The following PGRMC2 variants were observed in gnomAD, a reference collection of about 807,000 sequenced individuals.
PGRMC2 encodes progesterone receptor membrane component 2.
PGRMC2 carries 9 observed loss-of-function variants against 19.3 expected under a neutral mutation model. That is an observed-to-expected ratio of 0.47 (90% confidence interval 0.28 to 0.81). PGRMC2 has a LOEUF of 0.81. PGRMC2 is among the 40% of genes least tolerant of loss of function. The probability of loss-of-function intolerance (pLI) is 0.11; values close to 1 mark genes in which losing one functional copy is unlikely to be tolerated. For synonymous variants in PGRMC2, 157 were observed against 124.6 expected (o/e 1.26, Z -1.73); for missense variants, 289 against 297.3 (o/e 0.97, Z 0.21).
chr4:128,271,852 T>C lies in PGRMC2; in HGVS notation c.575-439A>G, dbSNP rs144648298. On this transcript the variant is annotated intron_variant, in intron 2 of 2. Transcript: ENST00000296425. The stretch of plus-strand genomic sequence containing the variant: ...ATGAGGGCATAAGAAAGGGGAAAGA[T>C]ATTTTTTATCTACATTTCGAGTGTT... 1.3e-3 allele frequency among the ~76,000 whole-genome samples: 202 copies of C among 152,342 alleles called. 1 individual carries two copies. Among genetic ancestry groups the C allele is most frequent in the African/African-American group, 4.6e-3 (190 of 41,586 alleles).
At chr4:128,284,965 T>C (rs1200463771) in intron 1 of PGRMC2, among the ~76,000 whole-genome samples, 3 of 152,238 alleles carry the variant, frequency 2.0e-5, no homozygotes, top group African/African-American at 7.2e-5. Context: ...TCTGTTATGT[T>C]GTTGATCAAC....
Position 128,269,843 on chromosome 4 carries a change from C to T in PGRMC2, c.*1473G>A, listed in dbSNP as rs1371198311. On this transcript the variant is annotated 3_prime_UTR_variant, in exon 3 of 3. Coordinates refer to ENST00000296425, the MANE Select transcript of PGRMC2 (RefSeq NM_006320.6). ...CTTTTACTGTTTTGTGTTCAATAAC[C>T]ACCTGGAGTGCTAATTGTCTAGTAT... 6.6e-6 allele frequency: 1 copy of T among 152,140 alleles called. No homozygotes were observed. Among genetic ancestry groups the T allele is most frequent in the African/African-American group, 2.4e-5 (1 of 41,428 alleles). The allele number at this position is 152,140 out of a possible 1,614,324, so 9.4% of individuals were successfully genotyped here.
At chr4:128,281,928 T>G (rs1239533400) in intron 1 of PGRMC2, among the ~76,000 whole-genome samples, 1 of 152,250 alleles carries the variant, frequency 6.6e-6, no homozygotes, top group African/African-American at 2.4e-5. Context: ...GTTAGGTTTT[T>G]GCTTAAATGT....
Position 128,287,751 on chromosome 4 carries a change from C to G in PGRMC2, c.40G>C (p.Gly14Arg). 2 of 1,479,982 alleles carry G rather than the reference C, an allele frequency of 1.4e-6. No homozygotes were observed. The highest frequency in any genetic ancestry group is 1.8e-6 in the Non-Finnish European group (2 of 1,082,278). 91.7% of individuals were successfully genotyped at this position (1,479,982 alleles called of 1,614,324 possible). Residue 14 changes from glycine (G) to arginine (R), a missense_variant, in exon 1 of 3, where the codon GGG becomes CGG. Transcript: ENST00000296425. ...TCGTTGCTGCTCTCGCTGCCACTCCCCAGGGTGCCTAGCTTCACGTCCCCA... is the reference window on the plus strand; with the variant it reads ...TCGTTGCTGCTCTCGCTGCCACTCCGCAGGGTGCCTAGCTTCACGTCCCCA... ...GDGDVKLGTL[G>R]SGSESSNDGG...
chr4:128,284,952 A>G (rs753997589), intron 1 of PGRMC2, among the ~76,000 whole-genome samples: 14 of 152,158 alleles, frequency 9.2e-5, no homozygotes, highest in Non-Finnish European at 1.9e-4. Flanking sequence ...AAATATTCAA[A>G]TATCTGTTAT....
Position 128,269,309 on chromosome 4 carries a change from A to C in PGRMC2, c.*2007T>G, listed in dbSNP as rs1174170620. On this transcript the variant is annotated 3_prime_UTR_variant, in exon 3 of 3. Coordinates refer to ENST00000296425, the MANE Select transcript of PGRMC2 (RefSeq NM_006320.6). ...ACACAAATTACTCATTTTTCTTAAC[A>C]GACCGCATAATTTTTTCTGCATGAA... is the stretch of plus-strand genomic sequence containing the variant. 1 of 152,180 alleles carries C rather than the reference A, an allele frequency of 6.6e-6. No individual in the cohort carries two copies. Among genetic ancestry groups the C allele is most frequent in the East Asian group, 1.9e-4 (1 of 5,198 alleles). 9.4% of individuals were successfully genotyped at this position (152,180 alleles called of 1,614,324 possible). A position where few individuals can be genotyped will look rare whatever the true frequency, so the allele number is the denominator to read the frequency against.
intron 1 of PGRMC2, among the ~76,000 whole-genome samples, chr4:128,280,388 CACAGACTTGAG>C (rs1395690348): frequency 7.6e-5 from 11 of 144,146 alleles, no homozygotes; most frequent in Admixed American, 1.4e-4. Context: ...ACAATATATC[CACAGACTTGAG>C]TAGAGTTTGG....
chr4:128,287,497 C>A lies in PGRMC2; in HGVS notation c.294G>T (p.Met98Ile). 6.2e-7 allele frequency: 1 copy of A among 1,612,986 alleles called. No homozygotes were observed. The highest frequency in any genetic ancestry group is 1.1e-5 in the South Asian group (1 of 90,870). Residue 98 changes from methionine to isoleucine, a missense_variant, in exon 1 of 3, where the codon ATG (methionine) becomes ATT (isoleucine). Physicochemically the swap from Met to Ile is conservative, Grantham distance 10. Coordinates refer to ENST00000296425, the MANE Select transcript of PGRMC2 (RefSeq NM_006320.6). The part of the protein sequence containing the change: ...EESPATSLPR[M>I]KKRDFSLEQL... ...GCTCCAAGCTGAAGTCCCGCTTCTT[C>A]ATGCGAGGCAGAGAGGTGGCGGGGC...
chr4:128,279,042 C>T (rs1760861597), intron 1 of PGRMC2, among the ~76,000 whole-genome samples: 2 of 152,086 alleles, frequency 1.3e-5, no homozygotes, highest in African/African-American at 2.4e-5. Flanking sequence ...AACCCCGTCT[C>T]TACTAAAAAT....
At chr4:128,275,646 C>T (rs570718365) in intron 1 of PGRMC2, among the ~76,000 whole-genome samples, 1 of 152,286 alleles carries the variant, frequency 6.6e-6, no homozygotes, top group East Asian at 1.9e-4. Flanking sequence ...TTAGAATTTC[C>T]CTCAGGAAGC....
intron 1 of PGRMC2, among the ~76,000 whole-genome samples, chr4:128,275,216 T>C (rs1326306910): frequency 6.6e-6 from 1 of 152,202 alleles, no homozygotes; most frequent in Admixed American, 6.5e-5. Flanking sequence ...TTTATCTCCA[T>C]GGCCTGCAAA....
chr4:128,279,789 GA>G (rs1315819975), intron 1 of PGRMC2, among the ~76,000 whole-genome samples: 1 of 152,116 alleles, frequency 6.6e-6, no homozygotes, highest in African/African-American at 2.4e-5. Flanking sequence ...AGTGTGGGGG[GA>G]AAGGAAGATA....
chr4:128,280,629 C>T (rs1340211651), intron 1 of PGRMC2, among the ~76,000 whole-genome samples: 1 of 151,920 alleles, frequency 6.6e-6, no homozygotes, highest in African/African-American at 2.4e-5. Flanking sequence ...TTTTTTGAGA[C>T]AGGGTCTTGC....
chr4:128,271,295 G>T lies in PGRMC2; in HGVS notation c.*21C>A. 2 of 1,358,672 alleles carry T rather than the reference G, an allele frequency of 1.5e-6. No individual in the cohort carries two copies. Among genetic ancestry groups the T allele is most frequent in the South Asian group, 1.2e-5 (1 of 83,060 alleles). 84.2% of individuals were successfully genotyped at this position (1,358,672 alleles called of 1,614,324 possible). A position where few individuals can be genotyped will look rare whatever the true frequency, so the allele number is the denominator to read the frequency against. ...AAGAATTGCAGTTCTGAAGGCCCCT[G>T]ACTTTGGTTGTTTACAAAGTTCAAT... is the stretch of plus-strand genomic sequence containing the variant. On this transcript the variant is annotated 3_prime_UTR_variant, in exon 3 of 3. Transcript: ENST00000296425.
intron 1 of PGRMC2, chr4:128,286,681 A>G (rs1760988027): frequency 2.5e-6 from 1 of 398,438 alleles, no homozygotes; most frequent in Non-Finnish European, 4.4e-6. Flanking sequence ...GTCTTTAATA[A>G]GCTCTGCATT....
chr4:128,271,729 A>C (rs1006806747), intron 2 of PGRMC2, among the ~76,000 whole-genome samples: 18 of 152,202 alleles, frequency 1.2e-4, no homozygotes, highest in Admixed American at 2.6e-4. Context: ...TCCAGGACCC[A>C]TCTCAGTACC....
chr4:128,287,588 GC>G lies in PGRMC2; in HGVS notation c.202del (p.Ala68ProfsTer31). The part of the protein sequence containing the change: ...VALVALVLLG[A>X]YRLWVRWGRR... ...CCCCCAGCGCACCCACAGCCGGTAG[GC>G]CCCCAGCAGCACCAGAGCCACCAGC... On this transcript the variant is annotated frameshift_variant, in exon 1 of 3. Transcript: ENST00000296425. LOFTEE classifies it high-confidence loss of function. The G allele has an allele frequency of 6.5e-7, 1 of 1,531,378 alleles. No individual in the cohort carries two copies. Among genetic ancestry groups the G allele is most frequent in the Non-Finnish European group, 8.8e-7 (1 of 1,139,742 alleles). The allele number at this position is 1,531,378 out of a possible 1,614,324, so 94.9% of individuals were successfully genotyped here. A position where few individuals can be genotyped will look rare whatever the true frequency, so the allele number is the denominator to read the frequency against.
At chr4:128,273,696 G>GA (rs1760765854) in intron 1 of PGRMC2, among the ~76,000 whole-genome samples, 1 of 152,162 alleles carries the variant, frequency 6.6e-6, no homozygotes, top group South Asian at 2.1e-4. Context: ...AAGTATTTAG[G>GA]AAACTGAAAG....
At chr4:128,286,857 G>A (rs1358694497) in intron 1 of PGRMC2, 3 of 389,058 alleles carry the variant, frequency 7.7e-6, no homozygotes, top group Admixed American at 4.5e-5. Flanking sequence ...AATACAGCGA[G>A]GGAAAAAAGG....
Sources: gnomAD v4.1 joint callset for allele counts (sites outside exome capture counted in the v4.1 genomes callset) on GRCh38, gnomAD v4.1.1 for gene constraint, MANE v1.5 for transcripts, NCBI Gene and HGNC (gene_info 2026-07-23, HGNC 2026-07-21) for gene names.